NXPH1: variants seen among roughly 807,000 people sequenced by gnomAD.
NXPH1 encodes neurexophilin-1.
In NXPH1, 5 loss-of-function variants were observed where a neutral mutation model predicts 23.7. The ratio of observed to expected loss-of-function variants is 0.21; its 90% CI spans 0.11 to 0.44. The LOEUF is 0.44. Among genes scored for constraint, NXPH1 ranks in the 20% least tolerant of loss-of-function variants. NXPH1 has a pLI of 0.99. For missense variants in NXPH1, 324 were observed against 321.6 expected (o/e 1.01, Z -0.06); for synonymous variants, 144 against 122.2 (o/e 1.18, Z -1.18).
At chr7:8,519,627 A>G (rs2128615423) in intron 2 of NXPH1, among the ~76,000 whole-genome samples, 1 of 152,274 alleles carries the variant, frequency 6.6e-6, no homozygotes, top group South Asian at 2.1e-4. Flanking sequence ...ATAAATTGCA[A>G]AACAGCATTC....
intron 2 of NXPH1, among the ~76,000 whole-genome samples, chr7:8,583,773 G>A (rs1314241765): frequency 6.6e-6 from 1 of 152,180 alleles, no homozygotes; most frequent in Admixed American, 6.5e-5. Flanking sequence ...TGAGAGGGCA[G>A]GTAGTCCCCT....
At chr7:8,599,175 T>G (rs1233191709) in intron 2 of NXPH1, among the ~76,000 whole-genome samples, 1 of 152,066 alleles carries the variant, frequency 6.6e-6, no homozygotes, top group Non-Finnish European at 1.5e-5. Flanking sequence ...AAGAAGCAGT[T>G]CTCAAAGAGA....
At chr7:8,551,756 A>G (rs958590576) in intron 2 of NXPH1, among the ~76,000 whole-genome samples, 2 of 151,428 alleles carry the variant, frequency 1.3e-5, no homozygotes, top group Non-Finnish European at 3.0e-5. Context: ...CCTACAGTGC[A>G]TTATAACGAC....
intron 2 of NXPH1, among the ~76,000 whole-genome samples, chr7:8,532,342 A>G (rs1817960165): frequency 2.0e-5 from 3 of 152,032 alleles, no homozygotes; most frequent in East Asian, 1.9e-4. Flanking sequence ...ATCCCGCTCA[A>G]ACAGACACCT....
chr7:8,608,237 T>C (rs1403488581), intron 2 of NXPH1, among the ~76,000 whole-genome samples: 1 of 152,150 alleles, frequency 6.6e-6, no homozygotes, highest in Non-Finnish European at 1.5e-5. Flanking sequence ...ACTTAGCTAG[T>C]TAGGAGGAAG....
intron 2 of NXPH1, among the ~76,000 whole-genome samples, chr7:8,577,812 C>A (rs1253885926): frequency 1.3e-5 from 2 of 152,150 alleles, no homozygotes; most frequent in Non-Finnish European, 2.9e-5. Flanking sequence ...GGTCTTCCAT[C>A]TTGTTTCCTT....
At chr7:8,503,741 T>A (rs1321068672) in intron 2 of NXPH1, among the ~76,000 whole-genome samples, 1 of 151,952 alleles carries the variant, frequency 6.6e-6, no homozygotes, top group Non-Finnish European at 1.5e-5. Flanking sequence ...CCCATAGAAT[T>A]TCTTGCCTAT....
chr7:8,580,432 AG>A (rs1818843273), intron 2 of NXPH1, among the ~76,000 whole-genome samples: 1 of 152,158 alleles, frequency 6.6e-6, no homozygotes, highest in Non-Finnish European at 1.5e-5. Flanking sequence ...ATTACTAACC[AG>A]AGACTGCTTC....
intron 2 of NXPH1, among the ~76,000 whole-genome samples, chr7:8,562,036 A>G (rs114988532): frequency 0.023 from 3,488 of 151,774 alleles, 144 homozygotes; most frequent in African/African-American, 0.08. Flanking sequence ...TTGAATATCT[A>G]TACTGTTCCA....
At chr7:8,566,585 T>C (rs957628771) in intron 2 of NXPH1, among the ~76,000 whole-genome samples, 1 of 151,826 alleles carries the variant, frequency 6.6e-6, no homozygotes, top group Admixed American at 6.6e-5. Flanking sequence ...GCTGGGACAC[T>C]CTTCTCCTGC....
At chr7:8,675,942 C>T (rs1339174054) in intron 2 of NXPH1, among the ~76,000 whole-genome samples, 4 of 152,100 alleles carry the variant, frequency 2.6e-5, no homozygotes, top group Non-Finnish European at 4.4e-5. Flanking sequence ...ATTCTTGGCT[C>T]CAGCTACCTC....
At chr7:8,658,271 C>T (rs1286949327) in intron 2 of NXPH1, among the ~76,000 whole-genome samples, 1 of 152,290 alleles carries the variant, frequency 6.6e-6, no homozygotes, top group East Asian at 1.9e-4. Context: ...GTTCCTACTA[C>T]TATGTTTTAT....
At chr7:8,595,991 G>A (rs572999441) in intron 2 of NXPH1, among the ~76,000 whole-genome samples, 20 of 151,914 alleles carry the variant, frequency 1.3e-4, no homozygotes, top group African/African-American at 3.6e-4. Context: ...ACTGACATTC[G>A]GATCCCTTTA....
At chr7:8,540,052 T>G (rs1227753101) in intron 2 of NXPH1, among the ~76,000 whole-genome samples, 1 of 151,994 alleles carries the variant, frequency 6.6e-6, no homozygotes, top group South Asian at 2.1e-4. Context: ...TTGGAAAATA[T>G]GAAATTCTAT....
At chr7:8,518,784 G>A (rs1032808864) in intron 2 of NXPH1, among the ~76,000 whole-genome samples, 5 of 152,146 alleles carry the variant, frequency 3.3e-5, no homozygotes, top group African/African-American at 1.2e-4. Context: ...CTGCACCCAA[G>A]TAGCTCTTTC....
chr7:8,659,722 A>G (rs1022218819), intron 2 of NXPH1, among the ~76,000 whole-genome samples: 2 of 152,204 alleles, frequency 1.3e-5, no homozygotes, highest in African/African-American at 2.4e-5. Flanking sequence ...CCTAGAACTT[A>G]AAGTATAATA....
At chr7:8,461,769 G>T (rs1816699799) in intron 2 of NXPH1, among the ~76,000 whole-genome samples, 1 of 147,732 alleles carries the variant, frequency 6.8e-6, no homozygotes, top group Admixed American at 6.7e-5. Context: ...GGCGGAGCTT[G>T]CAGTGAGCTG....
At chr7:8,683,029 G>T (rs1821081989) in intron 2 of NXPH1, among the ~76,000 whole-genome samples, 1 of 152,176 alleles carries the variant, frequency 6.6e-6, no homozygotes. Flanking sequence ...CGTGTAGCTT[G>T]TGAAGAAGAG....
At chr7:8,727,472 T>G (rs966750675) in intron 2 of NXPH1, among the ~76,000 whole-genome samples, 13 of 147,804 alleles carry the variant, frequency 8.8e-5, no homozygotes, top group Non-Finnish European at 1.9e-4. Context: ...TGGTTTTAGG[T>G]CTAACGTTTA....
Sources: gnomAD v4.1 joint callset for allele counts (sites outside exome capture counted in the v4.1 genomes callset) on GRCh38, gnomAD v4.1.1 for gene constraint, MANE v1.5 for transcripts, NCBI Gene and HGNC (gene_info 2026-07-23, HGNC 2026-07-21) for gene names.